SGO2: variants seen among roughly 807,000 people sequenced by gnomAD.
SGO2 encodes the protein shugoshin 2.
In SGO2, 68 loss-of-function variants were observed where a neutral mutation model predicts 99.5. The ratio of observed to expected loss-of-function variants is 0.68; its 90% CI spans 0.56 to 0.84. The LOEUF is 0.84. Ranked by LOEUF, SGO2 falls within the 40% of genes least tolerant of loss-of-function variation. The probability of loss-of-function intolerance (pLI) is 0.00; values close to 1 mark genes in which losing one functional copy is unlikely to be tolerated. For synonymous variants in SGO2, 457 were observed against 487.1 expected, an observed-to-expected ratio of 0.94 and a Z score of 0.81; for missense variants, 1,350 against 1,436.7, an observed-to-expected ratio of 0.94 and a Z score of 0.97.
At chr2:200,580,657 C>T (rs992078696) in intron 8 of SGO2, 17 of 247,140 alleles carry the variant, frequency 6.9e-5, no homozygotes, top group Admixed American at 1.7e-4. Flanking sequence ...CACAGGGAGA[C>T]GCTCACTCTA....
rs974192161 is a variant in SGO2, at chr2:200,567,076, C to G, written c.474-2587C>G. Among the ~76,000 whole-genome samples the G allele has an allele frequency of 3.9e-5, 6 of 152,220 alleles. No homozygotes were observed. In the East Asian group the frequency reaches 7.7e-4, roughly 20 times the overall value. On this transcript the variant is annotated intron_variant, in intron 5 of 8. Transcript: ENST00000357799. ...ACACTCCGTGGGCTGCACCCACTGT[C>G]CTGTACCAACTCTCCAACAAGCCCC... is the stretch of plus-strand genomic sequence containing the variant.
intron 1 of SGO2, among the ~76,000 whole-genome samples, chr2:200,529,499 TGTTTC>T (rs1380124432): frequency 7.2e-6 from 1 of 139,670 alleles, no homozygotes; most frequent in African/African-American, 2.5e-5. Context: ...GCTACAGTTT[TGTTTC>T]GTTTTGTTTT....
chr2:200,572,547 G>A lies in SGO2; in HGVS notation c.2201G>A (p.Ser734Asn). The A allele has an allele frequency of 6.2e-7, 1 of 1,612,054 alleles. No homozygotes were observed. Among genetic ancestry groups the A allele is most frequent in the Non-Finnish European group, 8.5e-7 (1 of 1,178,672 alleles). ...GTGAATCATTTAGATAATGACAAAA[G>A]TATAGAATACACAGTTAAAAGTCAC... ...SEVNHLDNDK[S>N]IEYTVKSHSL... is the part of the protein sequence containing the mutation. Residue 734 changes from serine to asparagine, a missense_variant, in exon 7 of 9, where the codon AGT (serine) becomes AAT (asparagine). Physicochemically the swap from Ser to Asn is conservative, Grantham distance 46. Coordinates refer to ENST00000357799, the MANE Select transcript of SGO2 (RefSeq NM_152524.6).
chr2:200,545,837 A>T (rs1026916924), intron 5 of SGO2, among the ~76,000 whole-genome samples: 1 of 152,210 alleles, frequency 6.6e-6, no homozygotes, highest in Non-Finnish European at 1.5e-5. Context: ...TCCTTGCCTT[A>T]ACTGATGGGT....
At position 200,570,632 on chromosome 2, in the gene SGO2, A is replaced by G. The variant is rs2033374131; in HGVS notation, c.704-418A>G. Among the ~76,000 whole-genome samples, 2 of 74,238 alleles carry G rather than the reference A, an allele frequency of 2.7e-5. No homozygotes were observed. Among genetic ancestry groups the G allele is most frequent in the African/African-American group, 8.6e-5 (2 of 23,170 alleles). 48.7% of individuals were successfully genotyped at this position (74,238 alleles called of 152,430 possible). A position where few individuals can be genotyped will look rare whatever the true frequency, so the allele number is the denominator to read the frequency against. On this transcript the variant is annotated intron_variant, in intron 6 of 8. Transcript: ENST00000357799. The surrounding 1 kb of genome is among the most constrained non-coding windows in gnomAD (Gnocchi z 4.4). ...TGTATATATTTACACACATACAAAC[A>G]TATATTAATATATGTATATATAATT... is the stretch of plus-strand genomic sequence containing the variant.
At chr2:200,534,379 A>C (rs947288924) in intron 2 of SGO2, among the ~76,000 whole-genome samples, 1 of 152,196 alleles carries the variant, frequency 6.6e-6, no homozygotes, top group Non-Finnish European at 1.5e-5. Context: ...AGAGGAGTCG[A>C]GTTTAGATTG....
chr2:200,583,332 A>G (rs941676830), intron 8 of SGO2, 117 bp from the exon 9 acceptor site: 1 of 754,692 alleles, frequency 1.3e-6, no homozygotes, highest in Non-Finnish European at 2.1e-6. Context: ...AACAAAGCTT[A>G]TGGTTTAAGG....
In SGO2 at chr2:200,570,186, A is replaced by G. The variant is rs549271117; in HGVS notation, c.703+294A>G. On this transcript the variant is annotated intron_variant, in intron 6 of 8. Transcript: ENST00000357799. The surrounding 1 kb of genome is among the most constrained non-coding windows in gnomAD (Gnocchi z 4.4). ...GCTTATGATTTGAAAGATACCATAT[A>G]TTTACTTAGTTTTACCCTCTTTTTT... 6 of 361,700 alleles carry G rather than the reference A, an allele frequency of 1.7e-5. No homozygotes were observed. The highest frequency in any genetic ancestry group is 1.3e-4 in the African/African-American group (6 of 47,934). 22.4% of individuals were successfully genotyped at this position (361,700 alleles called of 1,614,324 possible).
At chr2:200,562,441 G>A (rs2033009979) in intron 5 of SGO2, among the ~76,000 whole-genome samples, 1 of 152,190 alleles carries the variant, frequency 6.6e-6, no homozygotes, top group Non-Finnish European at 1.5e-5. Context: ...CCAGTACCAT[G>A]CTGTTTTGGT....
intron 5 of SGO2, among the ~76,000 whole-genome samples, chr2:200,543,839 A>C (rs1227096641): frequency 6.6e-6 from 1 of 152,216 alleles, no homozygotes. Flanking sequence ...TCCTCCAAAA[A>C]ATTGTATTGT....
chr2:200,583,303 T>C, intron 8 of SGO2, 146 bp from the exon 9 acceptor site: 1 of 508,606 alleles, frequency 2.0e-6, no homozygotes, highest in Non-Finnish European at 3.4e-6. Flanking sequence ...TAAGAAAAAT[T>C]AGAGTATTTC....
chr2:200,560,414 G>A (rs2032893180), intron 5 of SGO2, among the ~76,000 whole-genome samples: 1 of 151,752 alleles, frequency 6.6e-6, no homozygotes, highest in African/African-American at 2.4e-5. Context: ...ATCTTTTTCT[G>A]TTGAAAAGTT....
At position 200,575,470 on chromosome 2, in the gene SGO2, T is replaced by G. The variant is rs2106349626; in HGVS notation, c.3782+9T>G. On this transcript the variant is annotated intron_variant, in intron 8 of 8. Coordinates refer to ENST00000357799, the MANE Select transcript of SGO2 (RefSeq NM_152524.6). ...GAGCCAAGCCTCAGAGAGTAAGTAT[T>G]TCAAATGATTTTAGTATGCCATTAT... is the stretch of plus-strand genomic sequence containing the variant. 1 of 1,536,632 alleles carries G rather than the reference T, an allele frequency of 6.5e-7. No individual in the cohort carries two copies. Among genetic ancestry groups the G allele is most frequent in the East Asian group, 2.3e-5 (1 of 44,064 alleles).
At chr2:200,580,404 A>G (rs916301270) in intron 8 of SGO2, 2 of 319,012 alleles carry the variant, frequency 6.3e-6, no homozygotes, top group Non-Finnish European at 1.2e-5. Context: ...AATTGGATCT[A>G]TTTTTCTGTT....
intron 8 of SGO2, 35 bp from the exon 9 acceptor site, chr2:200,583,414 G>A (rs2033901543): frequency 1.9e-6 from 3 of 1,563,270 alleles, no homozygotes; most frequent in Non-Finnish European, 8.7e-7. Flanking sequence ...TTAATTTTGG[G>A]TTGTTATTAA....
At chr2:200,565,327 G>T (rs532811486) in intron 5 of SGO2, among the ~76,000 whole-genome samples, 5 of 152,264 alleles carry the variant, frequency 3.3e-5, no homozygotes, top group East Asian at 1.9e-4. Flanking sequence ...ATGAAGCTTA[G>T]TTTGGCTGGA....
intron 2 of SGO2, among the ~76,000 whole-genome samples, chr2:200,534,282 C>T (rs891909110): frequency 4.6e-5 from 7 of 152,012 alleles, no homozygotes; most frequent in African/African-American, 1.5e-4. Context: ...GTAAGCTTTA[C>T]CAGGGAATTC....
rs750250261 is a variant in SGO2, at chr2:200,572,040, C to G, written c.1694C>G (p.Thr565Arg). ...ACCATTTATGAAAACCTAGACGTCA[C>G]AAATGAATTTCACACAGCCAATCTT... ...KVTIYENLDV[T>R]NEFHTANLST... is the part of the protein sequence containing the mutation. Residue 565 changes from threonine (T) to arginine (R), a missense_variant, in exon 7 of 9, where the codon ACA (threonine) becomes AGA (arginine). Coordinates refer to ENST00000357799, the MANE Select transcript of SGO2 (RefSeq NM_152524.6). The G allele has an allele frequency of 6.2e-7, 1 of 1,613,342 alleles. No homozygotes were observed. The highest frequency in any genetic ancestry group is 1.1e-5 in the South Asian group (1 of 90,952).
intron 5 of SGO2, among the ~76,000 whole-genome samples, chr2:200,569,379 AT>A: frequency 6.6e-6 from 1 of 152,196 alleles, no homozygotes; most frequent in African/African-American, 2.4e-5. Context: ...AACTTTTTTC[AT>A]TTGCTTAATA....
Sources: gnomAD v4.1 joint callset for allele counts (sites outside exome capture counted in the v4.1 genomes callset) on GRCh38, gnomAD v4.1.1 for gene constraint, Gnocchi (gnomAD v3.1) non-coding constraint, MANE v1.5 for transcripts, NCBI Gene and HGNC (gene_info 2026-07-23, HGNC 2026-07-21) for gene names.